Variants in RRBP1 observed in about 807,000 individuals in gnomAD.
The protein encoded by RRBP1 is ribosome-binding protein 1.
In RRBP1, 94 loss-of-function variants were observed where a neutral mutation model predicts 165.2. The ratio of observed to expected loss-of-function variants is 0.57; its 90% CI spans 0.48 to 0.68. The LOEUF is 0.68. Among genes scored for constraint, RRBP1 ranks in the 30% least tolerant of loss-of-function variants. RRBP1 has a pLI of 0.00. For synonymous variants in RRBP1, 680 were observed against 714.5 expected, an observed-to-expected ratio of 0.95 and a Z score of 0.77; for missense variants, 1,676 against 1,763.0, an observed-to-expected ratio of 0.95 and a Z score of 0.88.
rs1042501332 is a variant in RRBP1, at chr20:17,636,014, C to T, written c.2338-350G>A. 2.6e-5 allele frequency among the ~76,000 whole-genome samples: 4 copies of T among 152,230 alleles called. No homozygotes were observed. In the East Asian group the frequency reaches 7.7e-4, roughly 29 times the overall value. Reference sequence around the variant, plus strand: ...ACAAAGCACATGCACCGCCTCTAACCCCCCTGAGGAAGCCTCGATTCCTGC... The same window carrying T: ...ACAAAGCACATGCACCGCCTCTAACTCCCCTGAGGAAGCCTCGATTCCTGC... On this transcript the variant is annotated intron_variant, in intron 6 of 24. Coordinates refer to ENST00000377813, the MANE Select transcript of RRBP1 (RefSeq NM_001365613.2).
At chr20:17,629,439 G>A (rs921002716) in intron 9 of RRBP1, among the ~76,000 whole-genome samples, 35 of 152,312 alleles carry the variant, frequency 2.3e-4, no homozygotes, top group African/African-American at 7.5e-4. Context: ...TAGCTGAGAC[G>A]CCTCAGGATC....
chr20:17,649,169 CAG>C (rs2036514067), intron 3 of RRBP1, among the ~76,000 whole-genome samples: 1 of 152,206 alleles, frequency 6.6e-6, no homozygotes, highest in Admixed American at 6.5e-5. Flanking sequence ...TCATAAGCCC[CAG>C]AGAGTTTTCT....
intron 7 of RRBP1, among the ~76,000 whole-genome samples, chr20:17,634,141 A>C (rs1310693483): frequency 1.3e-5 from 2 of 152,248 alleles, no homozygotes; most frequent in South Asian, 4.1e-4. Flanking sequence ...CCGGAGTTAC[A>C]GAAGGAGACT....
rs553970168 is a variant in RRBP1, at chr20:17,670,322, T to C, written c.-22+9677A>G. Among the ~76,000 whole-genome samples the C allele has an allele frequency of 9.8e-4, 149 of 152,226 alleles. 2 individuals carry two copies. In the South Asian group the frequency reaches 0.019, roughly 20 times the overall value. On this transcript the variant is annotated intron_variant, in intron 2 of 24. Coordinates refer to ENST00000377813, the MANE Select transcript of RRBP1 (RefSeq NM_001365613.2). ...CTTTTCAGGTATGAGATCTGACTGA[T>C]GGTTTTCTTTCCTCCTACCATTCTT...
chr20:17,663,668 A>T (rs2122467731), intron 2 of RRBP1, among the ~76,000 whole-genome samples: 1 of 152,372 alleles, frequency 6.6e-6, no homozygotes, highest in East Asian at 1.9e-4. Flanking sequence ...AGTGAGGCGT[A>T]AACATCATGC....
chr20:17,633,492 C>T lies in RRBP1; in HGVS notation c.2578G>A (p.Ala860Thr), dbSNP rs2036192070. ...QQRKALEAKAAAFEKQVLQLQ... is the reference protein window; with the variant it reads ...QQRKALEAKATAFEKQVLQLQ... ...TGCAGGACCTGCTTCTCGAAGGCAG[C>T]TGCCTTGGCTTCCAGAGCTTTCCGC... is the stretch of plus-strand genomic sequence containing the variant. Residue 860 changes from alanine to threonine, a missense_variant, in exon 8 of 25, where the codon GCT (alanine) becomes ACT (threonine). By Grantham distance (58) the Ala-to-Thr change is moderately conservative. Around this residue, in one of 5 missense-constraint regions of RRBP1, gnomAD observed 1,184 missense variants for 1,167.1 expected, o/e 1.01. Transcript: ENST00000377813. 7 of 1,613,940 alleles carry T rather than the reference C, an allele frequency of 4.3e-6. No homozygotes were observed. Among genetic ancestry groups the T allele is most frequent in the Non-Finnish European group, 5.9e-6 (7 of 1,180,024 alleles).
chr20:17,660,380 G>C lies in RRBP1; in HGVS notation c.128C>G (p.Ala43Gly). Reference sequence around the variant, plus strand: ...TTTCGCCATCTCCTTGCGCTGGTTGGCTAGGGCTTCTTCATATGACGTTTC... The same window carrying C: ...TTTCGCCATCTCCTTGCGCTGGTTGCCTAGGGCTTCTTCATATGACGTTTC... ...MKETSYEEALANQRKEMAKTH... is the reference protein window; with the variant it reads ...MKETSYEEALGNQRKEMAKTH... The change falls in exon 3 of 25, where the codon GCC (alanine) becomes GGC (glycine). Residue 43 changes from alanine (A) to glycine (G), a missense_variant. Physicochemically the swap from Ala to Gly is moderately conservative, Grantham distance 60 (BLOSUM62 0). Around this residue, in one of 5 missense-constraint regions of RRBP1, gnomAD observed 392 missense variants for 382.5 expected, o/e 1.02. Transcript: ENST00000377813. 1 of 1,614,068 alleles carries C rather than the reference G, an allele frequency of 6.2e-7. No individual in the cohort carries two copies. The highest frequency in any genetic ancestry group is 8.5e-7 in the Non-Finnish European group (1 of 1,180,016).
rs774349958 is a variant in RRBP1, at chr20:17,618,686, G to A, written c.3676-7C>T. ...CTAGGAGAAGTTGCCTCAGCTTGGG[G>A]AGAAAACAGAGGCGGGTGATGGGAA... On this transcript the variant is annotated splice_region_variant and splice_polypyrimidine_tract_variant and intron_variant, in intron 19 of 24. Transcript: ENST00000377813. 5 of 1,609,460 alleles carry A rather than the reference G, an allele frequency of 3.1e-6. No individual in the cohort carries two copies. In the East Asian group the frequency reaches 1.1e-4, roughly 36 times the overall value.
chr20:17,634,858 A>G (rs982950387), intron 7 of RRBP1, among the ~76,000 whole-genome samples: 1 of 152,212 alleles, frequency 6.6e-6, no homozygotes, highest in African/African-American at 2.4e-5. Flanking sequence ...GCCATAGTCA[A>G]AACAGATACT....
rs142821487 is a variant in RRBP1 at position 17,646,678 on chromosome 20, C to T, written c.1913-3551G>A. Among the ~76,000 whole-genome samples the T allele has an allele frequency of 2.6e-5, 4 of 152,314 alleles. No individual in the cohort carries two copies. The East Asian group carries it at 7.7e-4, about 29-fold the overall frequency. ...ACAGCAGCTCAGATAACGCACCTCA[C>T]ACCCCAAATTTCAAAATGACTCTCC... On this transcript the variant is annotated intron_variant, in intron 3 of 24. Coordinates refer to ENST00000377813, the MANE Select transcript of RRBP1 (RefSeq NM_001365613.2).
intron 3 of RRBP1, among the ~76,000 whole-genome samples, chr20:17,654,219 C>G (rs1243828900): frequency 6.6e-6 from 1 of 152,202 alleles, no homozygotes; most frequent in African/African-American, 2.4e-5. Flanking sequence ...CTTTGTCATT[C>G]CAGGACTCAA....
intron 2 of RRBP1, among the ~76,000 whole-genome samples, chr20:17,665,265 G>A (rs987574565): frequency 2.0e-5 from 3 of 152,174 alleles, no homozygotes; most frequent in African/African-American, 7.2e-5. Context: ...CCGTTACTTT[G>A]TGTGTTGGTA....
chr20:17,645,493 A>C (rs955169235), intron 3 of RRBP1, among the ~76,000 whole-genome samples: 1 of 152,236 alleles, frequency 6.6e-6, no homozygotes, highest in Admixed American at 6.5e-5. Flanking sequence ...ACACTCATAC[A>C]AACACTACCT....
intron 3 of RRBP1, among the ~76,000 whole-genome samples, chr20:17,649,603 G>A (rs1326050656): frequency 1.2e-4 from 18 of 150,590 alleles, no homozygotes; most frequent in African/African-American, 4.4e-4. Context: ...GTGGGTGGGT[G>A]AGGAGCTGGG....
chr20:17,636,823 G>A (rs181812319), intron 5 of RRBP1, 94 bp from the exon 6 acceptor site: 70 of 1,496,314 alleles, frequency 4.7e-5, no homozygotes, highest in Non-Finnish European at 1.4e-5. Context: ...CTGGGAGGCT[G>A]GAGAGCAGAG....
chr20:17,620,599 G>T, intron 17 of RRBP1, 116 bp downstream of exon 17: 4 of 855,980 alleles, frequency 4.7e-6, no homozygotes, highest in Non-Finnish European at 7.6e-6. Context: ...ATAGGGTGTC[G>T]TGGAAAAGCC....
In RRBP1 at chr20:17,659,649, T is replaced by G. The variant is rs951924794; in HGVS notation, c.859A>C (p.Thr287Pro). The change falls in exon 3 of 25, where the codon ACC becomes CCC. Residue 287 changes from threonine to proline, a missense_variant. Physicochemically the swap from Thr to Pro is conservative, Grantham distance 38. This residue lies in a region of RRBP1 where 392 missense variants were observed against 382.5 expected (regional missense o/e 1.02). Transcript: ENST00000377813. The part of the protein sequence containing the change: ...NQGKKVEGAP[T>P]QGRKAEGAQN... ...GCCCCCTCGGCCTTTCTGCCCTGGG[T>G]TGGGGCCCCCTCCACCTTTTTCCCC... The G allele has an allele frequency of 1.3e-6, 2 of 1,550,458 alleles. No individual in the cohort carries two copies. The highest frequency in any genetic ancestry group is 2.4e-5 in the South Asian group (2 of 84,056).
intron 20 of RRBP1, among the ~76,000 whole-genome samples, chr20:17,617,630 C>T (rs2035827051): frequency 6.6e-6 from 1 of 152,250 alleles, no homozygotes; most frequent in Non-Finnish European, 1.5e-5. Context: ...CCAGACTTCG[C>T]TCAGCCAAGG....
Position 17,659,732 on chromosome 20 carries a change from C to T in RRBP1, c.776G>A (p.Gly259Asp). The T allele has an allele frequency of 1.9e-6, 3 of 1,550,638 alleles. No homozygotes were observed. The highest frequency in any genetic ancestry group is 2.6e-6 in the Non-Finnish European group (3 of 1,147,002). The stretch of plus-strand genomic sequence containing the variant: ...GTTCTGGGCCCCCTCCGCCTTTTTG[C>T]CTTGGTTTGGGGTTCCTTCTGCCTT... ...GKKAEGTPNQ[G>D]KKAEGAQNQG... Residue 259 changes from glycine to aspartate, a missense_variant, in exon 3 of 25, where the codon GGC (glycine) becomes GAC (aspartate). By Grantham distance (94) the Gly-to-Asp change is moderately conservative. Transcript: ENST00000377813.
Sources: gnomAD v4.1 joint callset for allele counts (sites outside exome capture counted in the v4.1 genomes callset) on GRCh38, gnomAD v4.1.1 for gene constraint, gnomAD v4.1.1 regional missense constraint, MANE v1.5 for transcripts, NCBI Gene and HGNC (gene_info 2026-07-23, HGNC 2026-07-21) for gene names.